Variants in ARHGEF28 observed in about 807,000 individuals in gnomAD.
ARHGEF28 encodes the protein Rho guanine nucleotide exchange factor 28.
A neutral mutation model predicts 206.6 loss-of-function variants in ARHGEF28; 152 were observed. That is an observed-to-expected ratio of 0.74 (90% CI 0.64 to 0.84). The LOEUF (loss-of-function observed/expected upper bound fraction) is 0.84, where lower values mean the gene tolerates loss of function less well. Ranked by LOEUF, ARHGEF28 falls within the 40% of genes least tolerant of loss-of-function variation. ARHGEF28 has a pLI of 0.00. For missense variants in ARHGEF28, 2,028 were observed against 2,073.2 expected, an observed-to-expected ratio of 0.98 and a Z score of 0.42; for synonymous variants, 763 against 776.4, an observed-to-expected ratio of 0.98 and a Z score of 0.29.
chr5:73,692,912 T>C (rs1275935495), intron 2 of ARHGEF28, among the ~76,000 whole-genome samples: 2 of 152,206 alleles, frequency 1.3e-5, no homozygotes, highest in Non-Finnish European at 2.9e-5. Context: ...TCTCTCTTGG[T>C]GGCCCTCCAT....
At chr5:73,672,792 T>G (rs905569726) in intron 1 of ARHGEF28, among the ~76,000 whole-genome samples, 1 of 152,222 alleles carries the variant, frequency 6.6e-6, no homozygotes, top group Non-Finnish European at 1.5e-5. Flanking sequence ...CTTAATCACT[T>G]TGTGTGCAAA....
intron 1 of ARHGEF28, among the ~76,000 whole-genome samples, chr5:73,642,104 A>G (rs1744149383): frequency 6.6e-6 from 1 of 152,178 alleles, no homozygotes; most frequent in Admixed American, 6.5e-5. Context: ...GAGCGGGGGA[A>G]TCCTGCTTGT....
chr5:73,767,508 T>G (rs1353851696), intron 4 of ARHGEF28, among the ~76,000 whole-genome samples: 1 of 152,148 alleles, frequency 6.6e-6, no homozygotes, highest in Non-Finnish European at 1.5e-5. Context: ...AGGTTACGTT[T>G]TAGCAAAGAG....
intron 25 of ARHGEF28, among the ~76,000 whole-genome samples, chr5:73,887,269 T>C (rs936481523): frequency 5.3e-5 from 8 of 152,306 alleles, no homozygotes; most frequent in African/African-American, 1.9e-4. Flanking sequence ...AAGCTGCCCT[T>C]TTACATTTTT....
At chr5:73,780,819 T>G in intron 7 of ARHGEF28, 74 bp downstream of exon 7, 1 of 1,499,280 alleles carries the variant, frequency 6.7e-7, no homozygotes, top group Non-Finnish European at 9.1e-7. Flanking sequence ...TCCGTTGAAG[T>G]GTGTGGTGAA....
intron 1 of ARHGEF28, among the ~76,000 whole-genome samples, chr5:73,656,283 A>G (rs1745194357): frequency 6.6e-6 from 1 of 152,224 alleles, no homozygotes; most frequent in African/African-American, 2.4e-5. Flanking sequence ...ATATCTTGGT[A>G]TCCAGGAGGC....
Position 73,857,720 on chromosome 5 carries a change from G to A in ARHGEF28, c.1855G>A (p.Val619Met), listed in dbSNP as rs778713617. The change falls in exon 15 of 36, where the codon GTG (valine) becomes ATG (methionine). Residue 619 changes from valine (V) to methionine (M), a missense_variant. Val to Met is a conservative substitution (Grantham distance 21). This residue lies in a region of ARHGEF28 where 1,002 missense variants were observed against 1,015.3 expected (regional missense o/e 0.99). Coordinates refer to ENST00000513042, the MANE Select transcript of ARHGEF28 (RefSeq NM_001177693.2). ...PAKSESEKYK[V>M]SRTFSFLMNR... ...CAAATCAGAGTCTGAAAAATATAAA[G>A]TGAGTCGAACTTTCAGTTTCCTCAT... 2.5e-6 allele frequency: 4 copies of A among 1,612,124 alleles called. No homozygotes were observed. The highest frequency in any genetic ancestry group is 2.7e-5 in the African/African-American group (2 of 74,986).
intron 1 of ARHGEF28, among the ~76,000 whole-genome samples, chr5:73,680,411 G>A (rs1020993743): frequency 7.5e-6 from 1 of 133,054 alleles, no homozygotes; most frequent in Non-Finnish European, 1.5e-5. Flanking sequence ...TTCCAGCCTG[G>A]GCAAGAGAGT....
At chr5:73,859,096 C>T (rs1479524981) in intron 16 of ARHGEF28, among the ~76,000 whole-genome samples, 1 of 152,178 alleles carries the variant, frequency 6.6e-6, no homozygotes, top group Non-Finnish European at 1.5e-5. Context: ...TCATCCTTGC[C>T]CTCCTCCTGG....
intron 4 of ARHGEF28, among the ~76,000 whole-genome samples, chr5:73,755,286 T>C (rs1180506616): frequency 6.6e-6 from 1 of 151,554 alleles, no homozygotes; most frequent in African/African-American, 2.4e-5. Context: ...TTAAAAAGAT[T>C]TCTAACTATA....
chr5:73,856,526 G>A (rs868376583), intron 14 of ARHGEF28, among the ~76,000 whole-genome samples: 7 of 151,882 alleles, frequency 4.6e-5, no homozygotes, highest in Middle Eastern at 3.4e-3. Flanking sequence ...CTAATATAGA[G>A]CTTAAATAAC....
chr5:73,712,070 T>TG (rs1749285394), intron 2 of ARHGEF28, among the ~76,000 whole-genome samples: 1 of 152,202 alleles, frequency 6.6e-6, no homozygotes, highest in African/African-American at 2.4e-5. Context: ...TTCTTTAGTC[T>TG]GCTAAGATGG....
intron 12 of ARHGEF28, among the ~76,000 whole-genome samples, chr5:73,848,366 A>AT (rs1266668614): frequency 9.2e-5 from 14 of 152,344 alleles, no homozygotes; most frequent in Admixed American, 8.5e-4. Context: ...GGATGTATAA[A>AT]TTAGTGATAT....
chr5:73,868,091 C>A lies in ARHGEF28; in HGVS notation c.2298-9C>A. ...TGGGGCTAACTTTGCTCCCCTCCCT[C>A]TCTCCTAGCTTCAGGAGGTCAGCCA... On this transcript the variant is annotated splice_polypyrimidine_tract_variant and intron_variant, in intron 19 of 35. Transcript: ENST00000513042. 1.2e-6 allele frequency: 2 copies of A among 1,612,600 alleles called. No individual in the cohort carries two copies. The highest frequency in any genetic ancestry group is 2.2e-5 in the South Asian group (2 of 90,708).
intron 12 of ARHGEF28, 54 bp from the exon 13 acceptor site, chr5:73,848,922 T>C (rs1352485693): frequency 2.2e-5 from 28 of 1,277,006 alleles, no homozygotes; most frequent in Non-Finnish European, 3.0e-5. Context: ...GTGGTGAATA[T>C]ATATTTTCAG....
At chr5:73,792,438 T>G (rs1267135764) in intron 7 of ARHGEF28, among the ~76,000 whole-genome samples, 2 of 152,202 alleles carry the variant, frequency 1.3e-5, no homozygotes, top group African/African-American at 4.8e-5. Context: ...ATTAGCAATC[T>G]GGATAAAATG....
intron 1 of ARHGEF28, among the ~76,000 whole-genome samples, chr5:73,682,844 G>T (rs754373): frequency 0.044 from 6,679 of 152,308 alleles, 160 homozygotes; most frequent in East Asian, 0.11. Context: ...GGAGGCGGAG[G>T]TTGCAGAGCC....
At chr5:73,904,302 T>C (rs1221594156) in intron 32 of ARHGEF28, 42 bp downstream of exon 32, 10 of 1,613,260 alleles carry the variant, frequency 6.2e-6, no homozygotes, top group Non-Finnish European at 8.5e-6. Flanking sequence ...CCAGCCTTTA[T>C]TTGTGGATAA....
chr5:73,646,669 C>T (rs575691829), intron 1 of ARHGEF28, among the ~76,000 whole-genome samples: 1 of 152,312 alleles, frequency 6.6e-6, no homozygotes, highest in East Asian at 1.9e-4. Flanking sequence ...CCCTGGCTGA[C>T]ATCTGTTCTT....
Sources: gnomAD v4.1 joint callset for allele counts (sites outside exome capture counted in the v4.1 genomes callset) on GRCh38, gnomAD v4.1.1 for gene constraint, gnomAD v4.1.1 regional missense constraint, MANE v1.5 for transcripts, NCBI Gene and HGNC (gene_info 2026-07-23, HGNC 2026-07-21) for gene names.